Variants in BOD1L1 observed in about 807,000 individuals in gnomAD.
BOD1L1 encodes the protein biorientation of chromosomes in cell division protein 1-like 1.
Under a neutral mutation model 240.7 loss-of-function variants are expected in BOD1L1, and 86 were observed. The observed-to-expected ratio is 0.36, with a 90% CI of 0.30 to 0.43. BOD1L1 has a LOEUF of 0.43. BOD1L1 is among the 20% of genes least tolerant of loss of function. The pLI is 1.00. For missense variants in BOD1L1, 3,554 were observed against 3,643.5 expected, an observed-to-expected ratio of 0.98 and a Z score of 0.63; for synonymous variants, 1,268 against 1,272.3, an observed-to-expected ratio of 1.00 and a Z score of 0.07.
intron 9 of BOD1L1, among the ~76,000 whole-genome samples, chr4:13,606,084 T>C (rs369662028): frequency 6.6e-6 from 1 of 152,132 alleles, no homozygotes; most frequent in Non-Finnish European, 1.5e-5. Context: ...TTCATCTCCT[T>C]AAATGTCAAC....
At chr4:13,572,183 C>T (rs1315281829) in intron 25 of BOD1L1, among the ~76,000 whole-genome samples, 8 of 152,084 alleles carry the variant, frequency 5.3e-5, no homozygotes, top group South Asian at 2.1e-4. Context: ...TGGGCTGAAG[C>T]GGGACGGAAA....
At chr4:13,581,964 T>C (rs1056572488) in intron 19 of BOD1L1, among the ~76,000 whole-genome samples, 1 of 152,152 alleles carries the variant, frequency 6.6e-6, no homozygotes, top group Non-Finnish European at 1.5e-5. Flanking sequence ...GAACCTGACA[T>C]TGCCGCTGAC....
At chr4:13,593,092 CTT>C (rs905696405) in intron 12 of BOD1L1, 4 of 152,172 alleles carry the variant, frequency 2.6e-5, no homozygotes, top group Non-Finnish European at 4.4e-5. Context: ...GGAAGTTTGA[CTT>C]TGAATTTTTA....
chr4:13,576,643 TC>T, intron 25 of BOD1L1, among the ~76,000 whole-genome samples, 194 bp downstream of exon 25: 1 of 151,992 alleles, frequency 6.6e-6, no homozygotes, highest in Non-Finnish European at 1.5e-5. Flanking sequence ...TTTGAGGCAA[TC>T]CCCCAAAATG....
At chr4:13,598,911 A>G in intron 10 of BOD1L1, 35 bp downstream of exon 10, 1 of 1,551,984 alleles carries the variant, frequency 6.4e-7, no homozygotes, top group Non-Finnish European at 8.7e-7. Flanking sequence ...CATCCTTGTA[A>G]ATATTAAAAT....
At chr4:13,592,446 T>G (rs531953584) in intron 12 of BOD1L1, 1 of 152,578 alleles carries the variant, frequency 6.6e-6, no homozygotes, top group Non-Finnish European at 1.5e-5. Context: ...AGAACACACA[T>G]TTTTCTTTTA....
Position 13,603,089 on chromosome 4 carries a change from T to C in BOD1L1, c.3811A>G (p.Thr1271Ala), listed in dbSNP as rs574534481. 1.2e-6 allele frequency: 2 copies of C among 1,613,918 alleles called. No individual in the cohort carries two copies. Among genetic ancestry groups the C allele is most frequent in the African/African-American group, 1.3e-5 (1 of 75,036 alleles). Reference sequence around the variant, plus strand: ...TCTAAATTTGTGGAATGTTCAAGAGTGGCATCTCCTTGAGCAACATGTTCT... The same window carrying C: ...TCTAAATTTGTGGAATGTTCAAGAGCGGCATCTCCTTGAGCAACATGTTCT... ...AEEHVAQGDATLEHSTNLDSS... is the reference protein window; with the variant it reads ...AEEHVAQGDAALEHSTNLDSS... The change falls in exon 10 of 26, where the codon ACT (threonine) becomes GCT (alanine). Residue 1271 changes from threonine to alanine, a missense_variant. By Grantham distance (58) the Thr-to-Ala change is moderately conservative. This residue lies in a region of BOD1L1 where 3,393 missense variants were observed against 3,427.1 expected (regional missense o/e 0.99). Coordinates refer to ENST00000040738, the MANE Select transcript of BOD1L1 (RefSeq NM_148894.3).
chr4:13,591,028 C>A (rs1025633197), intron 13 of BOD1L1, among the ~76,000 whole-genome samples: 2 of 151,818 alleles, frequency 1.3e-5, no homozygotes, highest in Non-Finnish European at 2.9e-5. Context: ...AAGCTCCAAC[C>A]CCATTTAAAG....
At chr4:13,587,351 G>C (rs888387025) in intron 16 of BOD1L1, among the ~76,000 whole-genome samples, 7 of 152,158 alleles carry the variant, frequency 4.6e-5, no homozygotes, top group African/African-American at 1.7e-4. Context: ...GGGTGTTAGA[G>C]GCACTTTTGG....
At chr4:13,592,135 T>C (rs1714267206) in intron 12 of BOD1L1, 169 bp from the exon 13 acceptor site, 1 of 557,098 alleles carries the variant, frequency 1.8e-6, no homozygotes, top group African/African-American at 1.9e-5. Flanking sequence ...AATCAATCCA[T>C]GTTGTACTAC....
intron 1 of BOD1L1, among the ~76,000 whole-genome samples, chr4:13,620,804 C>T (rs188482395): frequency 3.8e-4 from 58 of 152,258 alleles, no homozygotes; most frequent in African/African-American, 1.3e-3. Context: ...GTGGCAGAAA[C>T]CAGCTAATGG....
chr4:13,577,774 A>G (rs1490449838), intron 22 of BOD1L1, 143 bp from the exon 23 acceptor site: 5 of 626,158 alleles, frequency 8.0e-6, no homozygotes, highest in Non-Finnish European at 1.4e-5. Context: ...TCAAGCAAAG[A>G]TAGAATCAGA....
Position 13,604,850 on chromosome 4 carries a change from C to T in BOD1L1, c.2050G>A (p.Glu684Lys). 1 of 1,611,918 alleles carries T rather than the reference C, an allele frequency of 6.2e-7. No homozygotes were observed. The highest frequency in any genetic ancestry group is 2.2e-5 in the East Asian group (1 of 44,840). The change falls in exon 10 of 26, where the codon GAA (glutamate) becomes AAA (lysine). Residue 684 changes from glutamate to lysine, a missense_variant. Glu to Lys is a moderately conservative substitution (Grantham distance 56, BLOSUM62 1). Around this residue, in one of 2 missense-constraint regions of BOD1L1, gnomAD observed 3,393 missense variants for 3,427.1 expected, o/e 0.99. Transcript: ENST00000040738. Reference sequence around the variant, plus strand: ...TTCTGGGGCTCTTCGGTGCAAATTTCTGAGCGTTCTACTTGCCTTTTTACA... The same window carrying T: ...TTCTGGGGCTCTTCGGTGCAAATTTTTGAGCGTTCTACTTGCCTTTTTACA... ...RDVKRQVERS[E>K]ICTEEPQKQK... is the part of the protein sequence containing the mutation.
rs1715410535 is a variant in BOD1L1, at chr4:13,603,611, G to T, written c.3289C>A (p.Pro1097Thr). The stretch of plus-strand genomic sequence containing the variant: ...GGTCTCTGAAGGGAGGAACCGCTGG[G>T]AGTGCTCAAAGTGTTTGCTGCTAAT... ...EKLAANTLST[P>T]SGSSLQRPKK... The change falls in exon 10 of 26, where the codon CCC (proline) becomes ACC (threonine). Residue 1097 changes from proline (P) to threonine (T), a missense_variant. This residue lies in a region of BOD1L1 where 3,393 missense variants were observed against 3,427.1 expected (regional missense o/e 0.99). Coordinates refer to ENST00000040738, the MANE Select transcript of BOD1L1 (RefSeq NM_148894.3). 2 of 1,613,900 alleles carry T rather than the reference G, an allele frequency of 1.2e-6. No homozygotes were observed. The highest frequency in any genetic ancestry group is 2.7e-5 in the African/African-American group (2 of 75,040).
At chr4:13,590,475 G>A in intron 13 of BOD1L1, 29 bp from the exon 14 acceptor site, 2 of 1,186,908 alleles carry the variant, frequency 1.7e-6, no homozygotes, top group South Asian at 1.6e-5. Context: ...AGATATTTAT[G>A]GATAGTCTCA....
At chr4:13,576,103 T>C (rs568303054) in intron 25 of BOD1L1, among the ~76,000 whole-genome samples, 1 of 152,056 alleles carries the variant, frequency 6.6e-6, no homozygotes, top group South Asian at 2.1e-4. Flanking sequence ...GGTTTCACCA[T>C]GTTGACCAGG....
At position 13,597,161 on chromosome 4, in the gene BOD1L1, T is replaced by C; in HGVS notation, c.7962A>G (p.Glu2654=). 6.3e-7 allele frequency: 1 copy of C among 1,592,356 alleles called. No homozygotes were observed. Among genetic ancestry groups the C allele is most frequent in the Non-Finnish European group, 8.6e-7 (1 of 1,168,062 alleles). Residue 2654 remains glutamate (E), a synonymous_variant, in exon 11 of 26, where the codon GAA becomes GAG. Transcript: ENST00000040738. ...SEENVCDIGN[E]ESPLNVLGGL... ...CTCCCAAAACATTCAATGGAGACTC[T>C]TCATTGCCTAATAAAATTCAAGCCA...
chr4:13,583,952 C>A (rs985555124), intron 17 of BOD1L1, among the ~76,000 whole-genome samples: 1 of 152,138 alleles, frequency 6.6e-6, no homozygotes, highest in Admixed American at 6.5e-5. Flanking sequence ...TTGTGGGACT[C>A]CCAGCTACCC....
Position 13,602,371 on chromosome 4 carries a change from C to T in BOD1L1, c.4529G>A (p.Arg1510Lys). 1.9e-6 allele frequency: 3 copies of T among 1,613,924 alleles called. No homozygotes were observed. The highest frequency in any genetic ancestry group is 1.1e-5 in the South Asian group (1 of 91,072). ...GGCAACAGAAGTCTTTTCTGCTCTCCTAGGCCCAGTTGCCACATCCTCAGT... is the reference window on the plus strand; with the variant it reads ...GGCAACAGAAGTCTTTTCTGCTCTCTTAGGCCCAGTTGCCACATCCTCAGT... ...GQTEDVATGPRRAEKTSVATS... is the reference protein window; with the variant it reads ...GQTEDVATGPKRAEKTSVATS... The change falls in exon 10 of 26, where the codon AGG becomes AAG. Residue 1510 changes from arginine to lysine, a missense_variant. By Grantham distance (26) the Arg-to-Lys change is conservative (BLOSUM62 2). This residue lies in a region of BOD1L1 where 3,393 missense variants were observed against 3,427.1 expected (regional missense o/e 0.99). Coordinates refer to ENST00000040738, the MANE Select transcript of BOD1L1 (RefSeq NM_148894.3).
Sources: allele counts gnomAD v4.1 joint callset (sites outside exome capture counted in the v4.1 genomes callset), GRCh38; gene constraint gnomAD v4.1.1; regional missense constraint gnomAD v4.1.1; transcripts MANE v1.5; gene names NCBI Gene and HGNC (gene_info 2026-07-23, HGNC 2026-07-21).